Variants in GALNTL6 observed in about 807,000 individuals in gnomAD.
The protein encoded by GALNTL6 is polypeptide N-acetylgalactosaminyltransferase-like 6.
A neutral mutation model predicts 73.7 loss-of-function variants in GALNTL6; 46 were observed. The observed-to-expected ratio is 0.62, with a 90% CI of 0.49 to 0.80. The LOEUF (loss-of-function observed/expected upper bound fraction) is 0.80. GALNTL6 is among the 30% of genes least tolerant of loss of function. The pLI is 0.00. For synonymous variants in GALNTL6, 259 were observed against 263.7 expected (o/e 0.98, Z 0.17); for missense variants, 604 against 755.0 (o/e 0.80, Z 2.34).
chr4:171,817,969 A>G (rs966171697), intron 2 of GALNTL6, among the ~76,000 whole-genome samples: 3 of 151,222 alleles, frequency 2.0e-5, no homozygotes, highest in Non-Finnish European at 4.4e-5. Flanking sequence ...AATTGACTTA[A>G]TTTTGTCTTT....
chr4:172,605,683 G>A (rs1738227048), intron 5 of GALNTL6, among the ~76,000 whole-genome samples: 1 of 152,066 alleles, frequency 6.6e-6, no homozygotes, highest in Non-Finnish European at 1.5e-5. Context: ...GGTTTGGTAT[G>A]GCTAGAATAT....
chr4:171,908,943 A>G (rs1263389711), intron 2 of GALNTL6, among the ~76,000 whole-genome samples: 33 of 138,520 alleles, frequency 2.4e-4, no homozygotes, highest in Admixed American at 7.8e-4. Context: ...GAATTGAACA[A>G]TGAGAACACA....
intron 5 of GALNTL6, among the ~76,000 whole-genome samples, chr4:172,384,896 C>T (rs1302824812): frequency 8.6e-5 from 13 of 151,818 alleles, no homozygotes; most frequent in Admixed American, 8.6e-4. Context: ...TAGACATGGG[C>T]CACTGTGACT....
In GALNTL6 at chr4:172,504,159, C is replaced by CAAAAAAAAA. The variant is rs775200126; in HGVS notation, c.553+155482_553+155490dup. The stretch of plus-strand genomic sequence containing the variant: ...TGGGCAACAGAGCGAGACTCTGTCT[C>CAAAAAAAAA]AAAAAAAAAAAAAAAAAAAACTCAC... On this transcript the variant is annotated intron_variant, in intron 5 of 12. Transcript: ENST00000506823. Among the ~76,000 whole-genome samples, 30 of 5,150 alleles carry CAAAAAAAAA rather than the reference C, an allele frequency of 5.8e-3. 2 individuals are homozygous for CAAAAAAAAA. Among genetic ancestry groups the CAAAAAAAAA allele is most frequent in the African/African-American group, 0.017 (30 of 1,818 alleles). 3.4% of individuals were successfully genotyped at this position (5,150 alleles called of 152,430 possible).
rs192146443 is a variant in GALNTL6, at chr4:172,320,687, G to A, written c.386+8935G>A. On this transcript the variant is annotated intron_variant, in intron 4 of 12. Transcript: ENST00000506823. Reference sequence around the variant, plus strand: ...TTCAAATGAGCCACAATTTGAACAGGTTAGTGTGTAGAACAGTTTATATCC... The same window carrying A: ...TTCAAATGAGCCACAATTTGAACAGATTAGTGTGTAGAACAGTTTATATCC... Among the ~76,000 whole-genome samples the A allele has an allele frequency of 3.7e-3, 558 of 151,804 alleles. 2 individuals are homozygous for A. Among genetic ancestry groups the A allele is most frequent in the African/African-American group, 0.012 (513 of 41,116 alleles).
At chr4:172,144,834 A>G (rs1026480560) in intron 2 of GALNTL6, among the ~76,000 whole-genome samples, 2 of 152,208 alleles carry the variant, frequency 1.3e-5, no homozygotes, top group African/African-American at 4.8e-5. Context: ...GGTACCTACT[A>G]TGCAAATTAC....
chr4:172,367,615 T>C (rs1428491648), intron 5 of GALNTL6, among the ~76,000 whole-genome samples: 4 of 152,228 alleles, frequency 2.6e-5, no homozygotes, highest in African/African-American at 9.6e-5. Flanking sequence ...TATAGCTTAA[T>C]TAATCTCATT....
At chr4:172,226,536 T>A (rs1208767007) in intron 2 of GALNTL6, among the ~76,000 whole-genome samples, 2 of 151,852 alleles carry the variant, frequency 1.3e-5, no homozygotes, top group South Asian at 2.1e-4. Context: ...ATTTCAATAT[T>A]TTTTTTAAAG....
intron 10 of GALNTL6, among the ~76,000 whole-genome samples, chr4:172,961,826 T>A (rs1039856650): frequency 6.6e-6 from 1 of 152,172 alleles, no homozygotes; most frequent in East Asian, 1.9e-4. Context: ...ATCTTTCTCA[T>A]GGAACAAAGA....
In GALNTL6 at chr4:172,000,831, G is replaced by A. The variant is rs564123065; in HGVS notation, c.138+186113G>A. 2.6e-5 allele frequency among the ~76,000 whole-genome samples: 4 copies of A among 152,216 alleles called. No homozygotes were observed. The East Asian group carries it at 7.7e-4, about 29-fold the overall frequency. On this transcript the variant is annotated intron_variant, in intron 2 of 12. Coordinates refer to ENST00000506823, the MANE Select transcript of GALNTL6 (RefSeq NM_001034845.3). The stretch of plus-strand genomic sequence containing the variant: ...ATATCCTAGAACTCATGCTCTTCCC[G>A]TTGTGTAGCATAGGTAGAGAAACAA...
At chr4:172,602,391 C>A (rs78639453) in intron 5 of GALNTL6, among the ~76,000 whole-genome samples, 4,665 of 151,918 alleles carry the variant, frequency 0.031, 110 homozygotes, top group South Asian at 0.088. Context: ...GGGTTTATTG[C>A]ATAATATGTA....
chr4:172,446,944 A>G (rs1200316425), intron 5 of GALNTL6, among the ~76,000 whole-genome samples: 1 of 152,162 alleles, frequency 6.6e-6, no homozygotes, highest in Non-Finnish European at 1.5e-5. Flanking sequence ...TTTCTCAAAA[A>G]TATTGCTTTG....
At chr4:172,257,656 C>T (rs1369006524) in intron 3 of GALNTL6, among the ~76,000 whole-genome samples, 1 of 151,204 alleles carries the variant, frequency 6.6e-6, no homozygotes, top group African/African-American at 2.4e-5. Context: ...TAATAGTGCT[C>T]ATTTGTGCAA....
intron 3 of GALNTL6, among the ~76,000 whole-genome samples, chr4:172,262,005 G>A (rs1202198143): frequency 2.6e-5 from 4 of 151,042 alleles, no homozygotes; most frequent in Non-Finnish European, 4.5e-5. Flanking sequence ...TGATATAATT[G>A]TTTTTATCAA....
intron 5 of GALNTL6, among the ~76,000 whole-genome samples, chr4:172,724,907 A>T (rs1735706824): frequency 6.6e-6 from 1 of 152,208 alleles, no homozygotes. Flanking sequence ...GAGCTTGAAC[A>T]TCATCAGGGT....
chr4:172,768,252 A>G (rs369327152), intron 5 of GALNTL6, among the ~76,000 whole-genome samples: 6 of 152,172 alleles, frequency 3.9e-5, no homozygotes, highest in Non-Finnish European at 5.9e-5. Flanking sequence ...TTCTCCAGGA[A>G]CTTACAATCA....
chr4:172,734,362 A>G (rs1347549775), intron 5 of GALNTL6, among the ~76,000 whole-genome samples: 1 of 152,150 alleles, frequency 6.6e-6, no homozygotes, highest in Admixed American at 6.5e-5. Context: ...ACAATGGGGA[A>G]AATATCTCCA....
chr4:171,825,314 T>G lies in GALNTL6; in HGVS notation c.138+10596T>G, dbSNP rs183203618. On this transcript the variant is annotated intron_variant, in intron 2 of 12. Coordinates refer to ENST00000506823, the MANE Select transcript of GALNTL6 (RefSeq NM_001034845.3). ...AGTGCTTTCTCACGCCCTCTTCTAG[T>G]GCTTCCAAGAAACCAGCTGGCCGGA... Among the ~76,000 whole-genome samples, 305 of 152,240 alleles carry G rather than the reference T, an allele frequency of 2.0e-3. 3 individuals are homozygous for G. Among genetic ancestry groups the G allele is most frequent in the African/African-American group, 6.9e-3 (287 of 41,546 alleles).
At chr4:172,618,419 C>T (rs138779766) in intron 5 of GALNTL6, among the ~76,000 whole-genome samples, 373 of 152,278 alleles carry the variant, frequency 2.4e-3, no homozygotes, top group Admixed American at 3.7e-3. Context: ...ATACTCCTCT[C>T]ACTAATATTC....
Sources: gnomAD v4.1 joint callset for allele counts (sites outside exome capture counted in the v4.1 genomes callset) on GRCh38, gnomAD v4.1.1 for gene constraint, MANE v1.5 for transcripts, NCBI Gene and HGNC (gene_info 2026-07-23, HGNC 2026-07-21) for gene names.